The following SIK2 variants were observed in gnomAD, a reference collection of about 807,000 sequenced individuals.
The protein encoded by SIK2 is serine/threonine-protein kinase SIK2.
In SIK2, 29 loss-of-function variants were observed where a neutral mutation model predicts 103.2. The observed-to-expected ratio is 0.28, with a 90% CI of 0.21 to 0.38. The LOEUF is 0.38. SIK2 is among the 10% of genes least tolerant of loss of function. The probability of loss-of-function intolerance (pLI) is 1.00; values close to 1 mark genes in which losing one functional copy is unlikely to be tolerated. For synonymous variants in SIK2, 412 were observed against 446.1 expected, an observed-to-expected ratio of 0.92 and a Z score of 0.96; for missense variants, 879 against 1,171.0, an observed-to-expected ratio of 0.75 and a Z score of 3.64.
intron 3 of SIK2, among the ~76,000 whole-genome samples, chr11:111,662,722 CA>C (rs1942483386): frequency 6.6e-6 from 1 of 151,152 alleles, no homozygotes; most frequent in South Asian, 2.1e-4. Context: ...ACAAAAGATA[CA>C]AAATAGTAGC....
chr11:111,650,278 A>G (rs1433401514), intron 3 of SIK2, among the ~76,000 whole-genome samples: 1 of 151,880 alleles, frequency 6.6e-6, no homozygotes, highest in East Asian at 1.9e-4. Flanking sequence ...TTCTGAAAAA[A>G]CGGAAGAAAA....
rs1448513215 is a variant in SIK2 at position 111,726,026 on chromosome 11, T to A, written c.*1897T>A. ...CTCGTGCTTAAGATTGATGATTTCG[T>A]GAAATAAAGAACATCATTTCATTTA... is the stretch of plus-strand genomic sequence containing the variant. On this transcript the variant is annotated 3_prime_UTR_variant, in exon 15 of 15. Transcript: ENST00000304987. 1 of 152,254 alleles carries A rather than the reference T, an allele frequency of 6.6e-6. No individual in the cohort carries two copies. Among genetic ancestry groups the A allele is most frequent in the Non-Finnish European group, 1.5e-5 (1 of 68,048 alleles). 9.4% of individuals were successfully genotyped at this position (152,254 alleles called of 1,614,324 possible).
intron 3 of SIK2, among the ~76,000 whole-genome samples, chr11:111,635,458 G>A (rs2135852005): frequency 3.2e-5 from 2 of 63,442 alleles, no homozygotes; most frequent in African/African-American, 1.2e-4. Context: ...GAGGGAGGGA[G>A]GGAAATGAGT....
At chr11:111,679,347 C>T (rs1209586673) in intron 3 of SIK2, among the ~76,000 whole-genome samples, 1 of 152,208 alleles carries the variant, frequency 6.6e-6, no homozygotes, top group East Asian at 1.9e-4. Context: ...AGTAGTTGCA[C>T]ATAGCTTGAA....
At chr11:111,616,937 AT>A (rs1941814663) in intron 2 of SIK2, among the ~76,000 whole-genome samples, 2 of 152,164 alleles carry the variant, frequency 1.3e-5, no homozygotes, top group Non-Finnish European at 2.9e-5. Flanking sequence ...TTTAAAAAGG[AT>A]ACTGTATGTT....
At chr11:111,679,373 C>T (rs975428612) in intron 3 of SIK2, among the ~76,000 whole-genome samples, 4 of 152,204 alleles carry the variant, frequency 2.6e-5, no homozygotes, top group Non-Finnish European at 5.9e-5. Context: ...GATTCAGAAT[C>T]TAACAGATGC....
intron 11 of SIK2, 47 bp downstream of exon 11, chr11:111,720,809 C>T (rs1276800184): frequency 1.3e-6 from 2 of 1,570,904 alleles, no homozygotes; most frequent in South Asian, 2.4e-5. Flanking sequence ...CGTAGGAGAG[C>T]AGTTTCTTGC....
intron 3 of SIK2, among the ~76,000 whole-genome samples, chr11:111,631,118 T>C (rs1313989842): frequency 2.0e-5 from 3 of 152,140 alleles, no homozygotes; most frequent in Non-Finnish European, 4.4e-5. Flanking sequence ...AAGGTGTGCA[T>C]TGGTGCAGTT....
intron 3 of SIK2, among the ~76,000 whole-genome samples, chr11:111,664,937 G>T (rs1942515585): frequency 2.0e-5 from 3 of 152,100 alleles, no homozygotes; most frequent in Admixed American, 2.0e-4. Flanking sequence ...ACAATTCTAA[G>T]AATTTACACA....
intron 4 of SIK2, among the ~76,000 whole-genome samples, chr11:111,692,075 G>A (rs1167219996): frequency 1.3e-5 from 2 of 151,974 alleles, no homozygotes; most frequent in Non-Finnish European, 2.9e-5. Flanking sequence ...GAGAGGCCAG[G>A]CTCGGTGGCT....
chr11:111,602,462 G>C lies in SIK2; in HGVS notation c.-102G>C. ...GGAGCGGGAGGGAAGGAGCGAAGGA[G>C]CGAAGGAGCAAGCGGAGCGGCCGTC... On this transcript the variant is annotated 5_prime_UTR_variant, in exon 1 of 15. Transcript: ENST00000304987. This position sits in a 1 kb window ranked among gnomAD's most constrained non-coding sequence, Gnocchi z 4.5. The C allele has an allele frequency of 7.8e-7, 1 of 1,285,042 alleles. No individual in the cohort carries two copies. The highest frequency in any genetic ancestry group is 1.0e-6 in the Non-Finnish European group (1 of 991,698). 79.6% of individuals were successfully genotyped at this position (1,285,042 alleles called of 1,614,324 possible). A position where few individuals can be genotyped will look rare whatever the true frequency, so the allele number is the denominator to read the frequency against.
At chr11:111,612,622 T>A (rs1479667392) in intron 1 of SIK2, among the ~76,000 whole-genome samples, 1 of 152,062 alleles carries the variant, frequency 6.6e-6, no homozygotes, top group Non-Finnish European at 1.5e-5. Flanking sequence ...TCCCTCAGAG[T>A]TCTTTTTTCC....
intron 6 of SIK2, among the ~76,000 whole-genome samples, 158 bp from the exon 7 acceptor site, chr11:111,703,045 A>G (rs1216250887): frequency 6.6e-6 from 1 of 152,240 alleles, no homozygotes; most frequent in Non-Finnish European, 1.5e-5. Flanking sequence ...CTTGAGAAAT[A>G]TAAGTAGCCT....
chr11:111,711,141 C>T (rs1332022700), intron 8 of SIK2, among the ~76,000 whole-genome samples: 7 of 147,022 alleles, frequency 4.8e-5, no homozygotes, highest in African/African-American at 1.5e-4. Flanking sequence ...TTTTTTGAGA[C>T]GGAGTCTTGC....
chr11:111,624,440 C>G (rs1163158137), intron 3 of SIK2, among the ~76,000 whole-genome samples: 2 of 152,146 alleles, frequency 1.3e-5, no homozygotes, highest in Non-Finnish European at 2.9e-5. Flanking sequence ...GCCGGCTATA[C>G]CATATTAATT....
rs1943318025 is a variant in SIK2 at position 111,705,280 on chromosome 11, A to G, written c.1101+141A>G. The G allele has an allele frequency of 2.3e-5, 19 of 824,074 alleles. No homozygotes were observed. Among genetic ancestry groups the G allele is most frequent in the Non-Finnish European group, 3.0e-5 (18 of 592,480 alleles). The allele number at this position is 824,074 out of a possible 1,614,324, so 51.0% of individuals were successfully genotyped here. A position where few individuals can be genotyped will look rare whatever the true frequency, so the allele number is the denominator to read the frequency against. On this transcript the variant is annotated intron_variant, in intron 8 of 14. Transcript: ENST00000304987. This position sits in a 1 kb window ranked among gnomAD's most constrained non-coding sequence, Gnocchi z 4.3. ...AAAATTTCTGCCTGCCATTCACTAG[A>G]TTCTCAAATGTTTTAGCACTTCCTC...
chr11:111,701,137 C>T lies in SIK2; in HGVS notation c.603+127C>T. 8.0e-7 allele frequency: 1 copy of T among 1,250,122 alleles called. No individual in the cohort carries two copies. The highest frequency in any genetic ancestry group is 1.1e-6 in the Non-Finnish European group (1 of 923,330). 77.4% of individuals were successfully genotyped at this position (1,250,122 alleles called of 1,614,324 possible). ...TTTCATATTTTCCCCATCCACTGGA[C>T]TATAATTACTCAGAGCATCTTGAAA... On this transcript the variant is annotated intron_variant, in intron 5 of 14. Coordinates refer to ENST00000304987, the MANE Select transcript of SIK2 (RefSeq NM_015191.3). This position sits in a 1 kb window ranked among gnomAD's most constrained non-coding sequence, Gnocchi z 4.2.
chr11:111,604,155 T>C (rs1288060187), intron 1 of SIK2, among the ~76,000 whole-genome samples: 1 of 152,284 alleles, frequency 6.6e-6, no homozygotes, highest in Non-Finnish European at 1.5e-5. Flanking sequence ...TATAGTGATA[T>C]TGTTAAATCT....
chr11:111,632,342 G>A (rs1391391279), intron 3 of SIK2, among the ~76,000 whole-genome samples: 5 of 152,152 alleles, frequency 3.3e-5, no homozygotes, highest in African/African-American at 4.8e-5. Context: ...ATTTGATCCT[G>A]TTAAAAATTT....
Sources: allele counts gnomAD v4.1 joint callset (sites outside exome capture counted in the v4.1 genomes callset), GRCh38; gene constraint gnomAD v4.1.1; non-coding constraint Gnocchi (gnomAD v3.1); transcripts MANE v1.5; gene names NCBI Gene and HGNC (gene_info 2026-07-23, HGNC 2026-07-21).